TASP1: variants seen among roughly 807,000 people sequenced by gnomAD.
The protein encoded by TASP1 is taspase 1, also known as threonine aspartase 1.
A neutral mutation model predicts 56.6 loss-of-function variants in TASP1; 16 were observed. The observed-to-expected ratio is 0.28, with a 90% confidence interval of 0.19 to 0.43. The LOEUF is 0.43. Among genes scored for constraint, TASP1 ranks in the 20% least tolerant of loss-of-function variants. TASP1 has a pLI of 1.00. For synonymous variants in TASP1, 179 were observed against 184.2 expected, an observed-to-expected ratio of 0.97 and a Z score of 0.23; for missense variants, 393 against 511.6, an observed-to-expected ratio of 0.77 and a Z score of 2.24.
At chr20:13,164,118 G>GA in the TASP1 span, among the ~76,000 whole-genome samples, 1 of 152,012 alleles carries the variant, frequency 6.6e-6, no homozygotes, top group Non-Finnish European at 1.5e-5. Flanking sequence ...TGTGTTCTCA[G>GA]AAAATGACCT....
chr20:13,397,444 GATA>G (rs1196144533), intron 13 of TASP1, among the ~76,000 whole-genome samples: 3 of 152,016 alleles, frequency 2.0e-5, no homozygotes, highest in African/African-American at 7.3e-5. Flanking sequence ...GAGACAGAAT[GATA>G]ATGTGGTTTG....
At chr20:13,181,623 G>A in the TASP1 span, among the ~76,000 whole-genome samples, 6 of 152,084 alleles carry the variant, frequency 3.9e-5, no homozygotes, top group Non-Finnish European at 2.9e-5. Context: ...GAAAGTGTCC[G>A]GTGTCTTTTA....
the TASP1 span, among the ~76,000 whole-genome samples, chr20:13,193,002 G>C: frequency 5.9e-5 from 9 of 152,150 alleles, no homozygotes; most frequent in Admixed American, 3.9e-4. Flanking sequence ...TACTTCATAT[G>C]AAGTGTGTTA....
At chr20:13,510,097 AG>A (rs2044273043) in intron 10 of TASP1, among the ~76,000 whole-genome samples, 1 of 152,174 alleles carries the variant, frequency 6.6e-6, no homozygotes, top group African/African-American at 2.4e-5. Context: ...TAATAAATAA[AG>A]ATTATATTGG....
intron 6 of TASP1, among the ~76,000 whole-genome samples, chr20:13,578,271 CATTAAT>C (rs1289554486): frequency 2.0e-5 from 3 of 151,474 alleles, no homozygotes; most frequent in African/African-American, 7.3e-5. Flanking sequence ...ATTTATATCT[CATTAAT>C]ATTTTCTTTC....
chr20:13,195,492 C>A, the TASP1 span, among the ~76,000 whole-genome samples: 1 of 152,292 alleles, frequency 6.6e-6, no homozygotes, highest in Middle Eastern at 3.4e-3. Flanking sequence ...AGGAATCATT[C>A]CTTGCTTCCG....
At chr20:13,633,343 T>C (rs1258650883) in intron 1 of TASP1, among the ~76,000 whole-genome samples, 1 of 152,226 alleles carries the variant, frequency 6.6e-6, no homozygotes, top group East Asian at 1.9e-4. Flanking sequence ...TTTGGATAAC[T>C]AATAACAAAA....
chr20:13,390,439 C>T lies in TASP1; in HGVS notation c.1184G>A (p.Arg395Lys). 1 of 1,613,702 alleles carries T rather than the reference C, an allele frequency of 6.2e-7. No homozygotes were observed. Among genetic ancestry groups the T allele is most frequent in the Admixed American group, 1.7e-5 (1 of 60,000 alleles). Residue 395 changes from arginine (R) to lysine (K), a missense_variant, in exon 14 of 14, where the codon AGA becomes AAA. By Grantham distance (26) the Arg-to-Lys change is conservative. Coordinates refer to ENST00000337743, the MANE Select transcript of TASP1 (RefSeq NM_017714.3). ...QDGKAKTHIS[R>K]LPPGAVAGQS... ...TCCTGCCACCGCACCAGGAGGAAGT[C>T]TTGAAATGTGAGTCTGCAGAGAGAG...
At chr20:13,291,805 A>G in the TASP1 span, among the ~76,000 whole-genome samples, 1 of 152,188 alleles carries the variant, frequency 6.6e-6, no homozygotes, top group Non-Finnish European at 1.5e-5. Flanking sequence ...AGCTAGACAA[A>G]TATTCAAGGG....
intron 1 of TASP1, among the ~76,000 whole-genome samples, chr20:13,631,683 C>T (rs1006544296): frequency 2.0e-5 from 3 of 152,338 alleles, no homozygotes; most frequent in South Asian, 2.1e-4. Flanking sequence ...CACATCTAAG[C>T]AGTATGGACT....
chr20:13,546,643 G>C (rs369026477), intron 8 of TASP1, among the ~76,000 whole-genome samples: 3 of 152,322 alleles, frequency 2.0e-5, no homozygotes, highest in South Asian at 4.1e-4. Context: ...ACATGGTCTA[G>C]AAGTTCATTT....
the TASP1 span, among the ~76,000 whole-genome samples, chr20:13,346,164 C>T: frequency 3.4e-4 from 52 of 152,034 alleles, no homozygotes; most frequent in Admixed American, 3.4e-3. Flanking sequence ...TCTCCTGGAA[C>T]AACTGAGCTT....
At chr20:13,168,842 C>T in the TASP1 span, 101 of 152,166 alleles carry the variant, frequency 6.6e-4, no homozygotes, top group African/African-American at 2.4e-3. Context: ...TTAGAATGCC[C>T]TACTCAGCTG....
intron 10 of TASP1, among the ~76,000 whole-genome samples, chr20:13,485,578 GA>G (rs535997503): frequency 3.3e-4 from 51 of 152,266 alleles, no homozygotes; most frequent in African/African-American, 1.2e-3. Flanking sequence ...CTTTGTGAAT[GA>G]ATACCTACAC....
intron 3 of TASP1, among the ~76,000 whole-genome samples, chr20:13,623,898 C>T (rs1474148958): frequency 6.6e-6 from 1 of 152,182 alleles, no homozygotes; most frequent in East Asian, 1.9e-4. Flanking sequence ...CATTTCTCCT[C>T]CCACTGTTAA....
the TASP1 span, among the ~76,000 whole-genome samples, chr20:13,203,930 T>C: frequency 6.6e-6 from 1 of 152,190 alleles, no homozygotes. Flanking sequence ...TTTAAATCTA[T>C]TTTCAAACTA....
chr20:13,150,391 C>G, the TASP1 span, among the ~76,000 whole-genome samples: 1 of 152,134 alleles, frequency 6.6e-6, no homozygotes, highest in Non-Finnish European at 1.5e-5. Flanking sequence ...TGTTTCTACA[C>G]ATCTCTGGAT....
chr20:13,171,091 T>C, the TASP1 span, among the ~76,000 whole-genome samples: 1 of 152,334 alleles, frequency 6.6e-6, no homozygotes, highest in Non-Finnish European at 1.5e-5. Context: ...AATCAGTCTA[T>C]CAGTTTTTTT....
chr20:13,459,459 C>A (rs1005373702), intron 11 of TASP1, among the ~76,000 whole-genome samples: 14 of 152,120 alleles, frequency 9.2e-5, no homozygotes, highest in African/African-American at 3.1e-4. Context: ...ATCATACTCA[C>A]CTGACAAAAT....
Sources: allele counts gnomAD v4.1 joint callset (sites outside exome capture counted in the v4.1 genomes callset), GRCh38; gene constraint gnomAD v4.1.1; transcripts MANE v1.5; gene names NCBI Gene and HGNC (gene_info 2026-07-23, HGNC 2026-07-21).